Variants in TMBIM4 observed in about 807,000 individuals in gnomAD.
The protein encoded by TMBIM4 is protein lifeguard 4.
Under a neutral mutation model 27.7 loss-of-function variants are expected in TMBIM4, and 28 were observed. The ratio of observed to expected loss-of-function variants is 1.01; its 90% CI spans 0.75 to 1.38. The LOEUF is 1.38. Among genes scored for constraint, TMBIM4 ranks in the 40% most tolerant of loss-of-function variants. TMBIM4 has a pLI of 0.00. For missense variants in TMBIM4, 265 were observed against 277.5 expected, an observed-to-expected ratio of 0.95 and a Z score of 0.32; for synonymous variants, 115 against 113.1, an observed-to-expected ratio of 1.02 and a Z score of -0.11.
rs2051593004 is a variant in TMBIM4 at position 66,137,389 on chromosome 12, GGAA to G, written c.*568_*570del. On this transcript the variant is annotated 3_prime_UTR_variant, in exon 7 of 7. Coordinates refer to ENST00000358230, the MANE Select transcript of TMBIM4 (RefSeq NM_016056.4). ...CGAACTGCTATGCGTGGCTAATTTA[GGAA>G]GAAAAATTTTTTTTTTTTTTTTGAG... The G allele has an allele frequency of 6.6e-6, 1 of 151,888 alleles. No homozygotes were observed. Among genetic ancestry groups the G allele is most frequent in the Non-Finnish European group, 1.5e-5 (1 of 68,004 alleles). The allele number at this position is 151,888 out of a possible 1,614,324, so 9.4% of individuals were successfully genotyped here. A position where few individuals can be genotyped will look rare whatever the true frequency, so the allele number is the denominator to read the frequency against.
intron 3 of TMBIM4, among the ~76,000 whole-genome samples, chr12:66,151,388 C>G (rs567207627): frequency 6.6e-6 from 1 of 152,198 alleles, no homozygotes; most frequent in Admixed American, 6.5e-5. Flanking sequence ...TAGGTGCACA[C>G]CACCATGCCC....
chr12:66,163,521 C>T (rs940455024), intron 1 of TMBIM4, among the ~76,000 whole-genome samples: 4 of 151,996 alleles, frequency 2.6e-5, no homozygotes, highest in African/African-American at 4.8e-5. Flanking sequence ...AGGGGAAATG[C>T]CAAGCAAAAG....
intron 1 of TMBIM4, among the ~76,000 whole-genome samples, chr12:66,158,817 T>C (rs371697994): frequency 1.7e-4 from 26 of 152,292 alleles, no homozygotes; most frequent in African/African-American, 6.0e-4. Context: ...AAGAATTATA[T>C]TGGCAAAAAT....
chr12:66,152,312 T>C lies in TMBIM4; in HGVS notation c.271A>G (p.Arg91Gly). 6.2e-7 allele frequency: 1 copy of C among 1,609,764 alleles called. No homozygotes were observed. Reference sequence around the variant, plus strand: ...TACAGGTTAAGGGGATACTTATGTCTGTTTAAAATCAACGCAAAAATCAAA... The same window carrying C: ...TACAGGTTAAGGGGATACTTATGTCCGTTTAAAATCAACGCAAAAATCAAA... ...LGLIFALILN[R>G]HKYPLNLYLL... Residue 91 changes from arginine (R) to glycine (G), a missense_variant, in exon 3 of 7, where the codon AGA (arginine) becomes GGA (glycine). Physicochemically the swap from Arg to Gly is moderately radical, Grantham distance 125. Coordinates refer to ENST00000358230, the MANE Select transcript of TMBIM4 (RefSeq NM_016056.4).
At chr12:66,143,614 T>C (rs2051703783) in intron 5 of TMBIM4, among the ~76,000 whole-genome samples, 1 of 152,142 alleles carries the variant, frequency 6.6e-6, no homozygotes, top group Non-Finnish European at 1.5e-5. Context: ...TGTGGCAGAA[T>C]TACCACAGGA....
At chr12:66,169,185 T>C (rs1053296675) in intron 1 of TMBIM4, 4 of 679,160 alleles carry the variant, frequency 5.9e-6, no homozygotes, top group Non-Finnish European at 1.1e-5. Context: ...ATGACCAAAC[T>C]AGAGCAGGCA....
At chr12:66,138,891 G>A (rs1420134617) in intron 5 of TMBIM4, 122 bp from the exon 6 acceptor site, 6 of 1,280,714 alleles carry the variant, frequency 4.7e-6, no homozygotes, top group Non-Finnish European at 6.0e-6. Flanking sequence ...TAACTAAAAT[G>A]TAAGAATTTG....
chr12:66,137,934 C>A lies in TMBIM4; in HGVS notation c.*26G>T. The stretch of plus-strand genomic sequence containing the variant: ...TTCTCATTAAATTTTTTTTGTTGTT[C>A]TTCAGTTGAGCTGAGATACTTTTAA... On this transcript the variant is annotated 3_prime_UTR_variant, in exon 7 of 7. Transcript: ENST00000358230. 6.3e-7 allele frequency: 1 copy of A among 1,595,784 alleles called. No individual in the cohort carries two copies. The highest frequency in any genetic ancestry group is 1.1e-5 in the South Asian group (1 of 88,816).
At chr12:66,169,248 A>G in intron 1 of TMBIM4, 1 of 697,676 alleles carries the variant, frequency 1.4e-6, no homozygotes, top group Non-Finnish European at 2.6e-6. Context: ...ATTTCTGCCC[A>G]TTGGCTACTA....
At chr12:66,141,695 T>C (rs1184170019) in intron 5 of TMBIM4, among the ~76,000 whole-genome samples, 1 of 152,098 alleles carries the variant, frequency 6.6e-6, no homozygotes, top group Non-Finnish European at 1.5e-5. Flanking sequence ...GCTATATTAA[T>C]AACAAAATAG....
chr12:66,154,539 A>G (rs952198151), intron 1 of TMBIM4, among the ~76,000 whole-genome samples: 3 of 152,250 alleles, frequency 2.0e-5, no homozygotes, highest in Non-Finnish European at 4.4e-5. Context: ...GAAATGAAAC[A>G]GAATAATGGA....
At chr12:66,155,506 A>AT (rs1238003123) in intron 1 of TMBIM4, among the ~76,000 whole-genome samples, 2 of 151,992 alleles carry the variant, frequency 1.3e-5, no homozygotes, top group South Asian at 2.1e-4. Flanking sequence ...CGCCCAGCTA[A>AT]TTTTTTTGTA....
intron 1 of TMBIM4, among the ~76,000 whole-genome samples, chr12:66,160,911 C>T (rs1358376261): frequency 1.5e-5 from 2 of 137,402 alleles, no homozygotes; most frequent in African/African-American, 2.7e-5. Context: ...ACATCCCAGA[C>T]GGTGAGGGGG....
chr12:66,160,271 A>G (rs976982754), intron 1 of TMBIM4: 3 of 702,812 alleles, frequency 4.3e-6, no homozygotes, highest in Non-Finnish European at 7.8e-6. Context: ...GTATCCTCAT[A>G]TATTGTTTGC....
intron 4 of TMBIM4, among the ~76,000 whole-genome samples, chr12:66,146,196 T>G (rs548175272): frequency 5.9e-5 from 9 of 152,294 alleles, no homozygotes; most frequent in Non-Finnish European, 1.3e-4. Context: ...TATTACCAAG[T>G]TAATGAAATG....
Position 66,137,988 on chromosome 12 carries a change from C to T in TMBIM4, c.689G>A (p.Arg230Gln), listed in dbSNP as rs778442645. ...CTTTTTATTAACTGCTTCCAGAAACCGTAACAGGTGCAGGAATAGATTGAT... is the reference window on the plus strand; with the variant it reads ...CTTTTTATTAACTGCTTCCAGAAACTGTAACAGGTGCAGGAATAGATTGAT... ...DIINLFLHLL[R>Q]FLEAVNKK Residue 230 changes from arginine (R) to glutamine (Q), a missense_variant, in exon 7 of 7, where the codon CGG (arginine) becomes CAG (glutamine). Transcript: ENST00000358230. 73 of 1,613,624 alleles carry T rather than the reference C, an allele frequency of 4.5e-5. No homozygotes were observed. In the Middle Eastern group the frequency reaches 6.6e-4, roughly 15 times the overall value.
chr12:66,158,422 C>T (rs879626873), intron 1 of TMBIM4, among the ~76,000 whole-genome samples: 2 of 151,824 alleles, frequency 1.3e-5, no homozygotes, highest in South Asian at 2.1e-4. Context: ...GGGCAGATCA[C>T]GAGGTCAGGA....
At chr12:66,139,854 C>T (rs1246246225) in intron 5 of TMBIM4, among the ~76,000 whole-genome samples, 1 of 152,162 alleles carries the variant, frequency 6.6e-6, no homozygotes, top group African/African-American at 2.4e-5. Context: ...TGCATTCACA[C>T]AAGCTGGAGT....
In TMBIM4 at chr12:66,169,911, T is replaced by G; in HGVS notation, c.41A>C (p.Glu14Ala). The change falls in exon 1 of 7, where the codon GAG becomes GCG. Residue 14 changes from glutamate (E) to alanine (A), a missense_variant. Glu to Ala is a moderately radical substitution (Grantham distance 107). Transcript: ENST00000358230. The stretch of plus-strand genomic sequence containing the variant: ...GCTGCTGCCATAGTTGAAGTCGTCC[T>G]CGATCGAGGAGCGAGGGTACCGGGG... ...PDPRYPRSSI[E>A]DDFNYGSSVA... The G allele has an allele frequency of 6.7e-7, 1 of 1,497,134 alleles. No homozygotes were observed. The highest frequency in any genetic ancestry group is 8.9e-7 in the Non-Finnish European group (1 of 1,125,326). The allele number at this position is 1,497,134 out of a possible 1,614,324, so 92.7% of individuals were successfully genotyped here.
Sources: gnomAD v4.1 joint callset for allele counts (sites outside exome capture counted in the v4.1 genomes callset) on GRCh38, gnomAD v4.1.1 for gene constraint, MANE v1.5 for transcripts, NCBI Gene and HGNC (gene_info 2026-07-23, HGNC 2026-07-21) for gene names.